The following SNTG1 variants were observed in gnomAD, a reference collection of about 807,000 sequenced individuals.
The protein encoded by SNTG1 is gamma-1-syntrophin.
SNTG1 carries 39 observed loss-of-function variants against 74.7 expected under a neutral mutation model. The ratio of observed to expected loss-of-function variants is 0.52; its 90% CI spans 0.40 to 0.68. SNTG1 has a LOEUF of 0.68. Ranked by LOEUF, SNTG1 falls within the 30% of genes least tolerant of loss-of-function variation. The pLI is 0.00. For synonymous variants in SNTG1, 254 were observed against 217.1 expected (o/e 1.17, Z -1.49); for missense variants, 685 against 609.5 (o/e 1.12, Z -1.30).
intron 2 of SNTG1, among the ~76,000 whole-genome samples, chr8:50,366,537 A>G (rs1421194482): frequency 6.6e-6 from 1 of 151,696 alleles, no homozygotes; most frequent in Non-Finnish European, 1.5e-5. Context: ...ACTGAATCAG[A>G]TTGAGGTTTG....
chr8:50,138,624 T>TCAA (rs1434034378), intron 1 of SNTG1, among the ~76,000 whole-genome samples: 4 of 124,602 alleles, frequency 3.2e-5, no homozygotes, highest in East Asian at 2.1e-4. Flanking sequence ...AAACTCTGTC[T>TCAA]CAACAATAAT....
chr8:50,041,534 G>A (rs888649089), intron 1 of SNTG1, among the ~76,000 whole-genome samples: 2 of 152,116 alleles, frequency 1.3e-5, no homozygotes, highest in African/African-American at 2.4e-5. Flanking sequence ...ACGGAATTGA[G>A]CTCAGTAGAA....
At chr8:50,376,756 T>TATAGAGAG (rs1381048539) in intron 2 of SNTG1, among the ~76,000 whole-genome samples, 12 of 89,986 alleles carry the variant, frequency 1.3e-4, no homozygotes, top group African/African-American at 3.3e-4. Context: ...TATATATATA[T>TATAGAGAG]AGAGAGAGAG....
At chr8:50,601,150 G>GAA (rs2094771181) in intron 13 of SNTG1, among the ~76,000 whole-genome samples, 1 of 21,888 alleles carries the variant, frequency 4.6e-5, no homozygotes, top group Non-Finnish European at 6.2e-5. Flanking sequence ...GAGCCAGCGA[G>GAA]ACAAAAAAAA....
At chr8:50,519,285 G>A (rs1396895224) in intron 9 of SNTG1, among the ~76,000 whole-genome samples, 2 of 152,008 alleles carry the variant, frequency 1.3e-5, no homozygotes, top group Admixed American at 1.3e-4. Flanking sequence ...AATAAACTAG[G>A]TATTGATGGA....
chr8:50,784,962 C>CA (rs887897978), intron 18 of SNTG1, among the ~76,000 whole-genome samples: 58 of 151,376 alleles, frequency 3.8e-4, no homozygotes, highest in African/African-American at 1.3e-3. Context: ...ACCAATGGGT[C>CA]AAAAAAAATC....
intron 12 of SNTG1, among the ~76,000 whole-genome samples, chr8:50,562,927 G>A (rs1055208055): frequency 1.3e-5 from 2 of 152,148 alleles, no homozygotes; most frequent in African/African-American, 4.8e-5. Flanking sequence ...GATCAGAATC[G>A]TTGCATTCAC....
At chr8:49,927,063 T>C (rs114329338) in intron 1 of SNTG1, among the ~76,000 whole-genome samples, 1,635 of 152,068 alleles carry the variant, frequency 0.011, 27 homozygotes, top group African/African-American at 0.037. Context: ...AACAAAAAAA[T>C]TAGAAAATTA....
chr8:50,298,169 A>T (rs1341995737), intron 2 of SNTG1, among the ~76,000 whole-genome samples: 1 of 152,134 alleles, frequency 6.6e-6, no homozygotes, highest in African/African-American at 2.4e-5. Flanking sequence ...TGGACAAATG[A>T]TCACATCTCA....
At chr8:50,301,667 A>G (rs2089651944) in intron 2 of SNTG1, among the ~76,000 whole-genome samples, 1 of 151,986 alleles carries the variant, frequency 6.6e-6, no homozygotes, top group South Asian at 2.1e-4. Flanking sequence ...TTTATATAAT[A>G]TATTGTTGCA....
intron 9 of SNTG1, among the ~76,000 whole-genome samples, chr8:50,528,676 G>A (rs1234702342): frequency 6.6e-6 from 1 of 151,466 alleles, no homozygotes; most frequent in Non-Finnish European, 1.5e-5. Flanking sequence ...CAACTAAGTT[G>A]TCAATTTCTT....
chr8:50,547,534 C>T (rs1392447538), intron 11 of SNTG1, among the ~76,000 whole-genome samples: 2 of 152,080 alleles, frequency 1.3e-5, no homozygotes, highest in South Asian at 2.1e-4. Context: ...GCCAAAGAGT[C>T]GCTCTTTGTT....
intron 18 of SNTG1, among the ~76,000 whole-genome samples, chr8:50,777,956 G>T (rs564172204): frequency 6.6e-6 from 1 of 151,872 alleles, no homozygotes; most frequent in South Asian, 2.1e-4. Flanking sequence ...TGCGGTGTTT[G>T]GTTTTTTGTT....
At chr8:50,240,379 A>G (rs543861653) in intron 2 of SNTG1, among the ~76,000 whole-genome samples, 97 of 152,296 alleles carry the variant, frequency 6.4e-4, no homozygotes, top group African/African-American at 2.3e-3. Flanking sequence ...TCTCCTTAAT[A>G]ATGATTGTGG....
At chr8:50,680,476 A>T (rs556459870) in intron 15 of SNTG1, among the ~76,000 whole-genome samples, 1 of 152,068 alleles carries the variant, frequency 6.6e-6, no homozygotes, top group African/African-American at 2.4e-5. Context: ...GCAATTTTCA[A>T]TTTTTCTCAT....
chr8:50,688,523 C>G (rs1167250782), intron 15 of SNTG1, among the ~76,000 whole-genome samples: 1 of 152,146 alleles, frequency 6.6e-6, no homozygotes, highest in African/African-American at 2.4e-5. Context: ...AATCCTTTCC[C>G]CATTGCTTGT....
intron 13 of SNTG1, among the ~76,000 whole-genome samples, chr8:50,615,715 A>G (rs2094881267): frequency 6.6e-6 from 1 of 152,208 alleles, no homozygotes; most frequent in Admixed American, 6.5e-5. Flanking sequence ...TTTTACCTAG[A>G]TATATAACAT....
chr8:50,070,981 A>G lies in SNTG1; in HGVS notation c.-102-101580A>G, dbSNP rs1023984429. Among the ~76,000 whole-genome samples, 37 of 152,130 alleles carry G rather than the reference A, an allele frequency of 2.4e-4. 1 individual carries two copies. The highest frequency in any genetic ancestry group is 8.9e-4 in the African/African-American group (37 of 41,432). ...CTGCATGGTTGTTATTCTTACCTGG[A>G]AAGTTAGGGCTCCAAAGGAGAGTGT... is the stretch of plus-strand genomic sequence containing the variant. On this transcript the variant is annotated intron_variant, in intron 1 of 18. Transcript: ENST00000642720.
intron 8 of SNTG1, among the ~76,000 whole-genome samples, chr8:50,455,462 C>A (rs1477941641): frequency 6.6e-6 from 1 of 152,148 alleles, no homozygotes; most frequent in Non-Finnish European, 1.5e-5. Context: ...TAAAAACATT[C>A]ATAATTCTAC....
Sources: allele counts gnomAD v4.1 joint callset (sites outside exome capture counted in the v4.1 genomes callset), GRCh38; gene constraint gnomAD v4.1.1; transcripts MANE v1.5; gene names NCBI Gene and HGNC (gene_info 2026-07-23, HGNC 2026-07-21).